Variants in CYRIA observed in about 807,000 individuals in gnomAD.
CYRIA encodes CYFIP related Rac1 interactor A, also known as CYFIP-related Rac1 interactor A.
A neutral mutation model predicts 43.9 loss-of-function variants in CYRIA; 15 were observed. That is an observed-to-expected ratio of 0.34 (90% CI 0.23 to 0.53). CYRIA has a LOEUF of 0.53. Ranked by LOEUF, CYRIA falls within the 20% of genes least tolerant of loss-of-function variation. CYRIA has a pLI of 0.94. For missense variants in CYRIA, 236 were observed against 394.2 expected (o/e 0.60, Z 3.40); for synonymous variants, 117 against 136.0 (o/e 0.86, Z 0.97).
At chr2:16,554,954 A>G in intron 11 of CYRIA, 115 bp downstream of exon 11, 1 of 628,186 alleles carries the variant, frequency 1.6e-6, no homozygotes, top group Non-Finnish European at 2.7e-6. Context: ...AGGAAGATTC[A>G]ATGTGTTAAA....
intron 3 of CYRIA, among the ~76,000 whole-genome samples, chr2:16,578,678 A>G (rs1286418426): frequency 1.3e-5 from 2 of 152,192 alleles, no homozygotes; most frequent in Non-Finnish European, 2.9e-5. Context: ...AGTAGAAAGT[A>G]TCAGTAAACT....
rs12615415 is a variant in CYRIA at position 16,616,391 on chromosome 2, C to T, written c.-11+7473G>A. 0.066 allele frequency among the ~76,000 whole-genome samples: 10,020 copies of T among 152,262 alleles called. 1,952 individuals carry two copies. In the East Asian group the frequency reaches 0.74, roughly 11 times the overall value. On this transcript the variant is annotated intron_variant, in intron 2 of 11. Transcript: ENST00000381323. ...CCATTCACAATGACATCCTTCCCTA[C>T]GTCACCCTTTGTCAACTCTCCAGCC... is the stretch of plus-strand genomic sequence containing the variant.
intron 3 of CYRIA, among the ~76,000 whole-genome samples, chr2:16,582,318 CT>C (rs1558412558): frequency 6.6e-6 from 1 of 152,064 alleles, no homozygotes. Flanking sequence ...CAAAAGAATC[CT>C]TTTTTAAAAA....
intron 5 of CYRIA, 59 bp from the exon 6 acceptor site, chr2:16,562,200 AAC>A (rs962212475): frequency 3.0e-5 from 46 of 1,549,080 alleles, no homozygotes; most frequent in Non-Finnish European, 4.0e-5. Flanking sequence ...TCCTTCAAAG[AAC>A]ACAATTCCCA....
chr2:16,656,137 G>A (rs1670104864), intron 1 of CYRIA, among the ~76,000 whole-genome samples: 1 of 152,050 alleles, frequency 6.6e-6, no homozygotes, highest in Non-Finnish European at 1.5e-5. Context: ...GAATGAAAAG[G>A]ATTCCCCCAA....
chr2:16,627,224 T>A (rs1261801525), intron 1 of CYRIA, among the ~76,000 whole-genome samples: 5 of 152,080 alleles, frequency 3.3e-5, no homozygotes, highest in African/African-American at 1.2e-4. Flanking sequence ...CAATATCCAC[T>A]ACGGGAGGCC....
At chr2:16,573,438 A>T (rs1309245652) in intron 3 of CYRIA, among the ~76,000 whole-genome samples, 1 of 152,236 alleles carries the variant, frequency 6.6e-6, no homozygotes, top group African/African-American at 2.4e-5. Context: ...AGTAGTACCC[A>T]GCCAAGGTAT....
chr2:16,651,666 A>T (rs1669979280), intron 1 of CYRIA, among the ~76,000 whole-genome samples: 1 of 152,226 alleles, frequency 6.6e-6, no homozygotes, highest in African/African-American at 2.4e-5. Context: ...AGGAAGGAAG[A>T]TTAGCTCCAC....
At chr2:16,587,644 C>T (rs1418493569) in intron 3 of CYRIA, among the ~76,000 whole-genome samples, 3 of 152,034 alleles carry the variant, frequency 2.0e-5, no homozygotes, top group Non-Finnish European at 4.4e-5. Context: ...TCCATAATTC[C>T]CACTTGTTGT....
chr2:16,551,992 T>G lies in CYRIA; in HGVS notation c.*944A>C, dbSNP rs1479253618. 6.6e-6 allele frequency: 1 copy of G among 152,144 alleles called. No homozygotes were observed. The highest frequency in any genetic ancestry group is 1.5e-5 in the Non-Finnish European group (1 of 68,018). The allele number at this position is 152,144 out of a possible 1,614,324, so 9.4% of individuals were successfully genotyped here. A position where few individuals can be genotyped will look rare whatever the true frequency, so the allele number is the denominator to read the frequency against. ...TAAATTCCCCTAGTTTTCTGGTAAC[T>G]AATGCAGTATCCTAGACCTTTGTTC... On this transcript the variant is annotated 3_prime_UTR_variant, in exon 12 of 12. Transcript: ENST00000381323.
chr2:16,584,296 T>C (rs1046351144), intron 3 of CYRIA, among the ~76,000 whole-genome samples: 4 of 152,154 alleles, frequency 2.6e-5, no homozygotes, highest in African/African-American at 9.7e-5. Context: ...TGTGACTGCC[T>C]GGATAGAGCC....
intron 2 of CYRIA, among the ~76,000 whole-genome samples, chr2:16,614,054 G>A (rs1414081324): frequency 3.9e-5 from 6 of 152,162 alleles, no homozygotes. Flanking sequence ...CAAGTTAAGG[G>A]TAAAAAGAAA....
chr2:16,631,590 T>C (rs1343708947), intron 1 of CYRIA, among the ~76,000 whole-genome samples: 1 of 152,244 alleles, frequency 6.6e-6, no homozygotes, highest in Non-Finnish European at 1.5e-5. Context: ...CTCAGGTCTT[T>C]GGAGCTAAGC....
chr2:16,563,320 C>T (rs916062348), intron 5 of CYRIA, among the ~76,000 whole-genome samples: 3 of 152,126 alleles, frequency 2.0e-5, no homozygotes, highest in Non-Finnish European at 4.4e-5. Flanking sequence ...CTTAACATCA[C>T]GGTCATTACT....
intron 1 of CYRIA, among the ~76,000 whole-genome samples, chr2:16,655,751 A>G (rs1342830405): frequency 6.6e-6 from 1 of 151,580 alleles, no homozygotes; most frequent in East Asian, 1.9e-4. Context: ...TGACTATTAC[A>G]TAAAATTGAA....
chr2:16,574,869 AC>A (rs1667277515), intron 3 of CYRIA, among the ~76,000 whole-genome samples: 1 of 152,126 alleles, frequency 6.6e-6, no homozygotes, highest in African/African-American at 2.4e-5. Flanking sequence ...TGGGACGGGT[AC>A]CCCCACACAG....
chr2:16,629,001 C>T (rs1210966423), intron 1 of CYRIA, among the ~76,000 whole-genome samples: 2 of 152,234 alleles, frequency 1.3e-5, no homozygotes, highest in East Asian at 1.9e-4. Flanking sequence ...CTGGAAGCCC[C>T]GGAACCCTAA....
In CYRIA at chr2:16,552,929, C is replaced by T. The variant is rs765457820; in HGVS notation, c.*7G>A. On this transcript the variant is annotated 3_prime_UTR_variant, in exon 12 of 12. Transcript: ENST00000381323. ...CAGCACATAGATCCTCTTCTTTGAG[C>T]AGAGCTCTACTGAAGCATTGCTCGA... 9.5e-6 allele frequency: 15 copies of T among 1,577,860 alleles called. No homozygotes were observed. In the South Asian group the frequency reaches 1.5e-4, roughly 16 times the overall value.
intron 2 of CYRIA, among the ~76,000 whole-genome samples, chr2:16,589,419 C>T (rs773009022): frequency 6.6e-6 from 1 of 152,044 alleles, no homozygotes; most frequent in Non-Finnish European, 1.5e-5. Flanking sequence ...GGAAAACACA[C>T]ATTTGCAGAC....
Sources: gnomAD v4.1 joint callset for allele counts (sites outside exome capture counted in the v4.1 genomes callset) on GRCh38, gnomAD v4.1.1 for gene constraint, MANE v1.5 for transcripts, NCBI Gene and HGNC (gene_info 2026-07-23, HGNC 2026-07-21) for gene names.